Variants in DPP6 observed in about 807,000 individuals in gnomAD.
The protein encoded by DPP6 is A-type potassium channel modulatory protein DPP6.
A neutral mutation model predicts 122.6 loss-of-function variants in DPP6; 69 were observed. The ratio of observed to expected loss-of-function variants is 0.56; its 90% confidence interval spans 0.46 to 0.69. DPP6 has a LOEUF of 0.69. DPP6 is among the 30% of genes least tolerant of loss of function. The pLI is 0.00. For missense variants in DPP6, 928 were observed against 1,116.9 expected (o/e 0.83, Z 2.41); for synonymous variants, 418 against 433.1 (o/e 0.97, Z 0.43).
chr7:154,709,136 C>T (rs1168224008), intron 7 of DPP6, among the ~76,000 whole-genome samples: 1 of 152,056 alleles, frequency 6.6e-6, no homozygotes, highest in East Asian at 1.9e-4. Flanking sequence ...TATTAAAAAC[C>T]AGATTTATAC....
chr7:154,247,974 A>C (rs1197531874), intron 1 of DPP6, among the ~76,000 whole-genome samples: 2 of 152,164 alleles, frequency 1.3e-5, no homozygotes, highest in African/African-American at 2.4e-5. Context: ...TAAACAAAAG[A>C]AATGTATTTC....
chr7:154,527,947 TGAG>T (rs1827537414), intron 3 of DPP6, among the ~76,000 whole-genome samples: 2 of 152,006 alleles, frequency 1.3e-5, no homozygotes, highest in African/African-American at 2.4e-5. Flanking sequence ...ATCTAATTGT[TGAG>T]AGAGTTAGAA....
At chr7:154,375,880 T>C (rs188461695) in intron 1 of DPP6, among the ~76,000 whole-genome samples, 1 of 152,304 alleles carries the variant, frequency 6.6e-6, no homozygotes, top group African/African-American at 2.4e-5. Context: ...TACCCTTTCA[T>C]GAATGGACGC....
At chr7:154,395,518 T>A (rs1482382257) in intron 1 of DPP6, among the ~76,000 whole-genome samples, 2 of 152,240 alleles carry the variant, frequency 1.3e-5, no homozygotes, top group African/African-American at 4.8e-5. Context: ...GATGCTGTTG[T>A]AAATGGAGTT....
chr7:153,867,365 T>C, the DPP6 span, among the ~76,000 whole-genome samples: 4 of 152,166 alleles, frequency 2.6e-5, no homozygotes, highest in Non-Finnish European at 4.4e-5. Context: ...AGGTCCTTCA[T>C]ATCCCTTGTA....
intron 1 of DPP6, among the ~76,000 whole-genome samples, chr7:154,442,484 AAAATGAAGATGAAGGG>A (rs66872339): frequency 0.21 from 32,152 of 151,772 alleles, 4,389 homozygotes; most frequent in African/African-American, 0.4. Context: ...TTTGCCTGGC[AAAATGAAGATGAAGGG>A]AAATTCCAGG....
intron 6 of DPP6, 57 bp downstream of exon 6, chr7:154,637,930 AG>A: frequency 6.5e-7 from 1 of 1,531,968 alleles, no homozygotes; most frequent in Non-Finnish European, 8.8e-7. Flanking sequence ...AGTGAAGGGT[AG>A]AACATGGACG....
At chr7:154,590,099 G>A (rs1236709895) in intron 5 of DPP6, among the ~76,000 whole-genome samples, 1 of 152,110 alleles carries the variant, frequency 6.6e-6, no homozygotes, top group Non-Finnish European at 1.5e-5. Context: ...CTGTTTCCCA[G>A]TTGGGAAAAA....
intron 1 of DPP6, among the ~76,000 whole-genome samples, chr7:154,435,573 G>T (rs1014945704): frequency 6.6e-6 from 1 of 152,224 alleles, no homozygotes; most frequent in African/African-American, 2.4e-5. Flanking sequence ...GTGAAACAGA[G>T]ACGGGGATGT....
intron 1 of DPP6, among the ~76,000 whole-genome samples, chr7:154,150,517 A>C (rs1585494162): frequency 6.6e-6 from 1 of 152,364 alleles, no homozygotes; most frequent in Non-Finnish European, 1.5e-5. Context: ...TAGGAAAGAA[A>C]GGCCCAAGGG....
chr7:153,773,147 GTGCACCTAA>G, the DPP6 span, among the ~76,000 whole-genome samples: 1 of 148,390 alleles, frequency 6.7e-6, no homozygotes, highest in South Asian at 2.1e-4. Flanking sequence ...CTATGTATGC[GTGCACCTAA>G]TGACAGAACA....
At chr7:154,263,747 G>T (rs1349065952) in intron 1 of DPP6, among the ~76,000 whole-genome samples, 1 of 152,120 alleles carries the variant, frequency 6.6e-6, no homozygotes, top group Non-Finnish European at 1.5e-5. Context: ...GAGTGCAATG[G>T]CACGATCTCG....
At chr7:154,034,056 T>G (rs944068125) in intron 1 of DPP6, among the ~76,000 whole-genome samples, 11 of 152,332 alleles carry the variant, frequency 7.2e-5, no homozygotes, top group African/African-American at 2.4e-4. Flanking sequence ...TGAATGCCAC[T>G]ATTCTAGTAA....
At chr7:154,599,094 G>A (rs535334731) in intron 5 of DPP6, among the ~76,000 whole-genome samples, 9 of 152,276 alleles carry the variant, frequency 5.9e-5, no homozygotes, top group South Asian at 4.2e-4. Context: ...GGGAATGTGC[G>A]TGGTGTGAGT....
chr7:154,004,884 C>A (rs1165072978), intron 1 of DPP6, among the ~76,000 whole-genome samples: 2 of 152,144 alleles, frequency 1.3e-5, no homozygotes, highest in Non-Finnish European at 2.9e-5. Flanking sequence ...TAATAAGGTT[C>A]ATTTCTCCTA....
At chr7:154,848,894 C>T (rs1013606091) in intron 16 of DPP6, among the ~76,000 whole-genome samples, 7 of 151,952 alleles carry the variant, frequency 4.6e-5, no homozygotes, top group African/African-American at 1.7e-4. Flanking sequence ...GCCAGCTTTT[C>T]CAACACCACT....
At chr7:154,149,095 C>T (rs1477089932) in intron 1 of DPP6, among the ~76,000 whole-genome samples, 1 of 152,210 alleles carries the variant, frequency 6.6e-6, no homozygotes, top group East Asian at 1.9e-4. Context: ...GAGCTTCATC[C>T]CTCCGATGGC....
chr7:154,110,444 T>C (rs970535184), intron 1 of DPP6, among the ~76,000 whole-genome samples: 13 of 152,216 alleles, frequency 8.5e-5, no homozygotes, highest in South Asian at 2.1e-4. Context: ...CCCTGGAATC[T>C]GGTACTTACC....
At chr7:154,677,869 G>A (rs1458217471) in intron 7 of DPP6, among the ~76,000 whole-genome samples, 1 of 152,192 alleles carries the variant, frequency 6.6e-6, no homozygotes, top group African/African-American at 2.4e-5. Context: ...GAATGGGAAG[G>A]TCCTAGGTAA....
Sources: allele counts gnomAD v4.1 joint callset (sites outside exome capture counted in the v4.1 genomes callset), GRCh38; gene constraint gnomAD v4.1.1; transcripts MANE v1.5; gene names NCBI Gene and HGNC (gene_info 2026-07-23, HGNC 2026-07-21).